Variants in IGSF11 observed in about 807,000 individuals in gnomAD.
IGSF11 encodes the protein CXADR like 1.
IGSF11 carries 22 observed loss-of-function variants against 41.0 expected under a neutral mutation model. That is an observed-to-expected ratio of 0.54 (90% CI 0.38 to 0.77). The LOEUF (loss-of-function observed/expected upper bound fraction) is 0.77, where lower values mean the gene tolerates loss of function less well. IGSF11 is among the 30% of genes least tolerant of loss of function. IGSF11 has a pLI of 0.00. For missense variants in IGSF11, 444 were observed against 530.8 expected, an observed-to-expected ratio of 0.84 and a Z score of 1.61; for synonymous variants, 219 against 201.3, an observed-to-expected ratio of 1.09 and a Z score of -0.74.
intron 1 of IGSF11, chr3:118,944,780 A>C (rs1363423278): frequency 6.6e-6 from 1 of 152,200 alleles, no homozygotes; most frequent in Non-Finnish European, 1.5e-5. Context: ...CTTATGTGCC[A>C]AGTATTGTTT....
intron 1 of IGSF11, among the ~76,000 whole-genome samples, chr3:119,116,213 G>A (rs1171687629): frequency 6.6e-6 from 1 of 152,256 alleles, no homozygotes; most frequent in Non-Finnish European, 1.5e-5. Context: ...ATCCATTGAG[G>A]TCCTGAACAG....
At chr3:118,978,160 T>G (rs1469149023) in intron 1 of IGSF11, among the ~76,000 whole-genome samples, 2 of 152,176 alleles carry the variant, frequency 1.3e-5, no homozygotes, top group Non-Finnish European at 2.9e-5. Context: ...ATCCAGGAGC[T>G]TGGAGACTGC....
At chr3:118,923,395 A>T (rs546954502) in intron 4 of IGSF11, among the ~76,000 whole-genome samples, 1 of 152,294 alleles carries the variant, frequency 6.6e-6, no homozygotes, top group African/African-American at 2.4e-5. Flanking sequence ...AATACTTCCT[A>T]AGAACAAAGA....
intron 1 of IGSF11, among the ~76,000 whole-genome samples, chr3:119,064,357 G>C (rs900511870): frequency 6.6e-6 from 1 of 152,082 alleles, no homozygotes; most frequent in African/African-American, 2.4e-5. Flanking sequence ...GGCTGAGTAT[G>C]TGTAGGGGGT....
chr3:118,935,539 A>G (rs148731267), intron 1 of IGSF11, among the ~76,000 whole-genome samples: 4 of 151,828 alleles, frequency 2.6e-5, no homozygotes, highest in East Asian at 3.9e-4. Flanking sequence ...AATTGGTTAT[A>G]TAACTTTGAG....
intron 1 of IGSF11, chr3:118,948,420 C>T (rs1420688310): frequency 6.6e-6 from 1 of 152,004 alleles, no homozygotes; most frequent in Non-Finnish European, 1.5e-5. Context: ...CATGCTCAGC[C>T]CCAAAACACA....
At chr3:118,999,272 T>A (rs1006137023) in intron 1 of IGSF11, among the ~76,000 whole-genome samples, 32 of 152,198 alleles carry the variant, frequency 2.1e-4, no homozygotes, top group Middle Eastern at 3.4e-3. Flanking sequence ...ATAACATTTT[T>A]AAAAAGTGAA....
intron 1 of IGSF11, among the ~76,000 whole-genome samples, chr3:118,941,788 C>CA (rs1238769735): frequency 7.3e-5 from 11 of 151,464 alleles, no homozygotes; most frequent in South Asian, 4.2e-4. Context: ...TACTTATGAA[C>CA]AAAAAAAACC....
At chr3:118,993,226 GAAGTAAGTAAAT>G (rs1453322631) in intron 1 of IGSF11, among the ~76,000 whole-genome samples, 1 of 152,082 alleles carries the variant, frequency 6.6e-6, no homozygotes, top group Non-Finnish European at 1.5e-5. Flanking sequence ...AGATCCCAAT[GAAGTAAGTAAAT>G]AAGTAAGTAA....
intron 1 of IGSF11, among the ~76,000 whole-genome samples, chr3:118,965,126 C>A (rs1945582272): frequency 6.6e-6 from 1 of 152,084 alleles, no homozygotes; most frequent in African/African-American, 2.4e-5. Flanking sequence ...TGATAAAACT[C>A]ATAGGCTGAT....
Position 119,017,963 on chromosome 3 carries a change from G to A in IGSF11, c.52+16568C>T, listed in dbSNP as rs374674211. On this transcript the variant is annotated intron_variant, in intron 1 of 6. Coordinates refer to ENST00000393775, the MANE Select transcript of IGSF11 (RefSeq NM_001015887.3). Reference sequence around the variant, plus strand: ...ATGCCCAACTAATTTTGTATTTTTAGTAGAGATGGGGTTTCTCCATGTTGG... The same window carrying A: ...ATGCCCAACTAATTTTGTATTTTTAATAGAGATGGGGTTTCTCCATGTTGG... Among the ~76,000 whole-genome samples the A allele has an allele frequency of 8.6e-5, 13 of 151,820 alleles. 1 individual carries two copies. In the East Asian group the frequency reaches 2.3e-3, roughly 27 times the overall value.
intron 1 of IGSF11, among the ~76,000 whole-genome samples, chr3:118,933,470 T>TATATATATATATATATA (rs59418588): frequency 1.4e-5 from 2 of 146,148 alleles, no homozygotes; most frequent in African/African-American, 5.1e-5. Flanking sequence ...CATGTATTTT[T>TATATATATATATATATA]TATATATATA....
chr3:119,075,896 A>G (rs1374171196), intron 1 of IGSF11, among the ~76,000 whole-genome samples: 1 of 152,190 alleles, frequency 6.6e-6, no homozygotes, highest in East Asian at 1.9e-4. Context: ...TCTTCACAGA[A>G]CTGGAAAAAA....
chr3:119,139,628 C>T (rs1352874508), intron 1 of IGSF11, among the ~76,000 whole-genome samples: 1 of 152,170 alleles, frequency 6.6e-6, no homozygotes, highest in Non-Finnish European at 1.5e-5. Context: ...CCAGTCACAA[C>T]TCTAAGTCCA....
At position 119,012,125 on chromosome 3, in the gene IGSF11, T is replaced by C. The variant is rs148072406; in HGVS notation, c.52+22406A>G. Among the ~76,000 whole-genome samples the C allele has an allele frequency of 1.4e-4, 21 of 152,002 alleles. No homozygotes were observed. The East Asian group carries it at 4.1e-3, about 30-fold the overall frequency. On this transcript the variant is annotated intron_variant, in intron 1 of 6. Coordinates refer to ENST00000393775, the MANE Select transcript of IGSF11 (RefSeq NM_001015887.3). ...TGCAAGGGTCCATTCCCAGGAAGCA[T>C]AAGATAGAAAAGAAAAGTGAGACAC...
chr3:119,132,080 C>G (rs1439329245), intron 1 of IGSF11, among the ~76,000 whole-genome samples: 1 of 152,132 alleles, frequency 6.6e-6, no homozygotes, highest in African/African-American at 2.4e-5. Flanking sequence ...ATGACCAGTA[C>G]CAGCCACTGC....
At chr3:118,979,115 C>T (rs1043236609) in intron 1 of IGSF11, among the ~76,000 whole-genome samples, 1 of 152,026 alleles carries the variant, frequency 6.6e-6, no homozygotes, top group Non-Finnish European at 1.5e-5. Flanking sequence ...AATAGAAACT[C>T]TCAAGAATTC....
chr3:118,928,361 T>C (rs988434691), intron 3 of IGSF11, 148 bp downstream of exon 3: 16 of 617,078 alleles, frequency 2.6e-5, no homozygotes, highest in African/African-American at 1.1e-4. Flanking sequence ...GTAAGAAGCA[T>C]GGAGAAGGAG....
In IGSF11 at chr3:119,101,398, A is replaced by G. The variant is rs556951219; in HGVS notation, c.49+3746T>C. 1.3e-4 allele frequency among the ~76,000 whole-genome samples: 20 copies of G among 152,224 alleles called. No individual in the cohort carries two copies. The East Asian group carries it at 3.5e-3, about 26-fold the overall frequency. On this transcript the variant is annotated intron_variant, in intron 1 of 6. Transcript: ENST00000354673. Reference sequence around the variant, plus strand: ...GTGGCGCATGTCTGTAGTCCCAGATACTAGGGAGGCTGAGGCAGGAGAATC... The same window carrying G: ...GTGGCGCATGTCTGTAGTCCCAGATGCTAGGGAGGCTGAGGCAGGAGAATC...
Sources: allele counts gnomAD v4.1 joint callset (sites outside exome capture counted in the v4.1 genomes callset), GRCh38; gene constraint gnomAD v4.1.1; transcripts MANE v1.5; gene names NCBI Gene and HGNC (gene_info 2026-07-23, HGNC 2026-07-21).